Variants in PSTPIP2 observed in about 807,000 individuals in gnomAD.
PSTPIP2 encodes proline-serine-threonine phosphatase interacting protein 2.
A neutral mutation model predicts 63.3 loss-of-function variants in PSTPIP2; 33 were observed. The observed-to-expected ratio is 0.52, with a 90% confidence interval of 0.40 to 0.70. PSTPIP2 has a LOEUF of 0.70. PSTPIP2 is among the 30% of genes least tolerant of loss of function. The probability of loss-of-function intolerance (pLI) is 0.00; values close to 1 mark genes in which losing one functional copy is unlikely to be tolerated. For synonymous variants in PSTPIP2, 125 were observed against 132.7 expected (o/e 0.94, Z 0.40); for missense variants, 312 against 400.7 (o/e 0.78, Z 1.89).
chr18:46,048,496 A>C (rs920301182), intron 1 of PSTPIP2, among the ~76,000 whole-genome samples: 2 of 152,248 alleles, frequency 1.3e-5, no homozygotes, highest in Non-Finnish European at 2.9e-5. Context: ...ATCAAAGTTA[A>C]CACCACCAAG....
At chr18:46,035,464 G>A (rs1400340677) in intron 2 of PSTPIP2, among the ~76,000 whole-genome samples, 2 of 150,592 alleles carry the variant, frequency 1.3e-5, no homozygotes, top group Non-Finnish European at 3.0e-5. Flanking sequence ...TAAAAGAAGA[G>A]GAAAATTTGA....
intron 1 of PSTPIP2, among the ~76,000 whole-genome samples, chr18:46,051,106 C>T (rs913957725): frequency 2.0e-5 from 3 of 152,182 alleles, no homozygotes; most frequent in Non-Finnish European, 4.4e-5. Context: ...TCAGGTGATC[C>T]ACCTGCCTCA....
intron 1 of PSTPIP2, among the ~76,000 whole-genome samples, chr18:46,048,513 G>A (rs1003380937): frequency 6.6e-6 from 1 of 152,082 alleles, no homozygotes; most frequent in Admixed American, 6.6e-5. Context: ...CAAGTAATAG[G>A]GCAAATAAGC....
chr18:46,028,165 A>G (rs963716728), intron 2 of PSTPIP2: 2 of 328,188 alleles, frequency 6.1e-6, no homozygotes, highest in African/African-American at 4.6e-5. Context: ...TGTCTCAAAA[A>G]GAAAAGAGGC....
chr18:46,040,920 C>CCACT, intron 1 of PSTPIP2: 1 of 432,904 alleles, frequency 2.3e-6, no homozygotes, highest in Non-Finnish European at 4.7e-6. Context: ...AGCTGGGCGC[C>CCACT]CACTCCAGCC....
chr18:46,033,690 TCCATCTCG>T (rs1907863475), intron 2 of PSTPIP2, among the ~76,000 whole-genome samples: 1 of 120,480 alleles, frequency 8.3e-6, no homozygotes. Flanking sequence ...AGAGTGAGAC[TCCATCTCG>T]AAAAAAAAAA....
intron 2 of PSTPIP2, 43 bp from the exon 3 acceptor site, chr18:46,024,729 G>A (rs768328012): frequency 6.6e-7 from 1 of 1,516,086 alleles, no homozygotes; most frequent in Non-Finnish European, 9.1e-7. Flanking sequence ...TCTCAGAGCT[G>A]ACTCTTTGTT....
chr18:46,039,239 T>C (rs1908097685), intron 2 of PSTPIP2, among the ~76,000 whole-genome samples: 1 of 152,212 alleles, frequency 6.6e-6, no homozygotes, highest in Non-Finnish European at 1.5e-5. Context: ...AAACTAAGTT[T>C]TGTTTTTTTA....
intron 3 of PSTPIP2, among the ~76,000 whole-genome samples, chr18:46,018,763 T>C (rs2051879887): frequency 6.6e-6 from 1 of 152,204 alleles, no homozygotes; most frequent in African/African-American, 2.4e-5. Flanking sequence ...AAGAAAAGCT[T>C]GAATCCAGAG....
chr18:46,058,766 C>G (rs1568232331), intron 1 of PSTPIP2, among the ~76,000 whole-genome samples: 1 of 152,168 alleles, frequency 6.6e-6, no homozygotes, highest in Non-Finnish European at 1.5e-5. Context: ...GGAGAGGTCT[C>G]GCTGCAAGAT....
At chr18:46,045,994 A>G (rs1908371655) in intron 1 of PSTPIP2, among the ~76,000 whole-genome samples, 1 of 152,220 alleles carries the variant, frequency 6.6e-6, no homozygotes, top group Non-Finnish European at 1.5e-5. Context: ...TTGAAACAGT[A>G]TGTACCTTTC....
At chr18:46,027,961 G>C (rs192409120) in intron 2 of PSTPIP2, among the ~76,000 whole-genome samples, 38 of 152,296 alleles carry the variant, frequency 2.5e-4, no homozygotes, top group African/African-American at 8.4e-4. Flanking sequence ...AGGAGTTTGA[G>C]ACCAGTCTGG....
chr18:46,072,069 C>G (rs1363483594), intron 1 of PSTPIP2, 87 bp downstream of exon 1: 1 of 1,460,932 alleles, frequency 6.8e-7, no homozygotes, highest in African/African-American at 1.5e-5. Flanking sequence ...GGCGCCGGAG[C>G]TGGGGAGCCC....
chr18:46,024,053 T>TA (rs911635615), intron 3 of PSTPIP2, among the ~76,000 whole-genome samples: 4 of 152,028 alleles, frequency 2.6e-5, no homozygotes, highest in South Asian at 2.1e-4. Flanking sequence ...TTGAAAATAA[T>TA]AAAAAAAATT....
At chr18:45,992,741 A>AC (rs1253396523) in intron 10 of PSTPIP2, among the ~76,000 whole-genome samples, 2 of 149,418 alleles carry the variant, frequency 1.3e-5, no homozygotes, top group Middle Eastern at 3.2e-3. Flanking sequence ...TTTTTTAGAC[A>AC]GAGTCTCGCT....
intron 4 of PSTPIP2, among the ~76,000 whole-genome samples, chr18:46,012,292 T>C (rs897059536): frequency 6.6e-6 from 1 of 152,118 alleles, no homozygotes; most frequent in African/African-American, 2.4e-5. Flanking sequence ...AGCACAACCT[T>C]TCTGGAGGAA....
At chr18:46,023,947 T>TA (rs913509781) in intron 3 of PSTPIP2, among the ~76,000 whole-genome samples, 3 of 152,016 alleles carry the variant, frequency 2.0e-5, no homozygotes, top group Admixed American at 2.0e-4. Context: ...GGTGTACATA[T>TA]AAAAAACTTC....
At chr18:46,022,496 C>A (rs907051086) in intron 3 of PSTPIP2, among the ~76,000 whole-genome samples, 2 of 152,172 alleles carry the variant, frequency 1.3e-5, no homozygotes, top group Admixed American at 1.3e-4. Flanking sequence ...TCTCTAAACC[C>A]TCCCTCAACA....
At chr18:46,022,181 T>C (rs981166078) in intron 3 of PSTPIP2, among the ~76,000 whole-genome samples, 1 of 152,128 alleles carries the variant, frequency 6.6e-6, no homozygotes, top group Non-Finnish European at 1.5e-5. Flanking sequence ...GTAACAAGAT[T>C]TTTAGGTTTA....
Sources: allele counts gnomAD v4.1 joint callset (sites outside exome capture counted in the v4.1 genomes callset), GRCh38; gene constraint gnomAD v4.1.1; transcripts MANE v1.5; gene names NCBI Gene and HGNC (gene_info 2026-07-23, HGNC 2026-07-21).